LRRC69: variants seen among roughly 807,000 people sequenced by gnomAD.
The protein encoded by LRRC69 is leucine-rich repeat-containing protein 69.
LRRC69 carries 42 observed loss-of-function variants against 37.8 expected under a neutral mutation model. The observed-to-expected ratio is 1.11, with a 90% CI of 0.87 to 1.44. The LOEUF is 1.44. LRRC69 is among the 40% of genes most tolerant of loss of function. The pLI, the probability that LRRC69 is intolerant of heterozygous loss-of-function variation, is 0.00. For missense variants in LRRC69, 357 were observed against 401.9 expected (o/e 0.89, Z 0.96); for synonymous variants, 141 against 143.1 (o/e 0.99, Z 0.11).
At chr8:91,136,676 C>T (rs1223916195) in intron 5 of LRRC69, among the ~76,000 whole-genome samples, 1 of 151,962 alleles carries the variant, frequency 6.6e-6, no homozygotes, top group Non-Finnish European at 1.5e-5. Context: ...TCCCTTTGTA[C>T]ACCTATTTTA....
At chr8:91,179,164 T>G (rs936963109) in intron 5 of LRRC69, among the ~76,000 whole-genome samples, 3 of 152,216 alleles carry the variant, frequency 2.0e-5, no homozygotes, top group African/African-American at 7.2e-5. Context: ...AATAAATACC[T>G]GAACCTGGGT....
intron 1 of LRRC69, among the ~76,000 whole-genome samples, chr8:91,121,816 T>G (rs980871290): frequency 6.6e-6 from 1 of 152,100 alleles, no homozygotes; most frequent in East Asian, 1.9e-4. Context: ...TTAAGAGATA[T>G]GTATTCACTT....
At chr8:91,104,272 T>C (rs1488398762) in intron 1 of LRRC69, among the ~76,000 whole-genome samples, 1 of 151,986 alleles carries the variant, frequency 6.6e-6, no homozygotes, top group Non-Finnish European at 1.5e-5. Flanking sequence ...CACCTTCAGC[T>C]GTCCTTTCCT....
chr8:91,133,630 G>T (rs765545905), intron 4 of LRRC69, among the ~76,000 whole-genome samples: 1 of 151,996 alleles, frequency 6.6e-6, no homozygotes, highest in Non-Finnish European at 1.5e-5. Context: ...TTATTGTTTG[G>T]TATTTCTTTC....
chr8:91,113,045 G>T (rs1586224338), intron 1 of LRRC69, among the ~76,000 whole-genome samples: 1 of 151,816 alleles, frequency 6.6e-6, no homozygotes, highest in East Asian at 1.9e-4. Flanking sequence ...AAAATTATAA[G>T]ACATTAATAA....
chr8:91,119,955 T>C (rs1261583967), intron 1 of LRRC69, among the ~76,000 whole-genome samples: 1 of 152,022 alleles, frequency 6.6e-6, no homozygotes, highest in Non-Finnish European at 1.5e-5. Flanking sequence ...TGTCCCCATA[T>C]TTAAGGCATG....
At chr8:91,192,359 T>C (rs1163990685) in intron 6 of LRRC69, among the ~76,000 whole-genome samples, 1 of 152,016 alleles carries the variant, frequency 6.6e-6, no homozygotes, top group African/African-American at 2.4e-5. Flanking sequence ...GGGTACATAC[T>C]CAGTAATGGG....
At chr8:91,172,696 G>A (rs958869827) in intron 5 of LRRC69, among the ~76,000 whole-genome samples, 6 of 151,692 alleles carry the variant, frequency 4.0e-5, no homozygotes, top group Admixed American at 3.9e-4. Context: ...TGTATTTTTA[G>A]TAGAGACAGC....
At chr8:91,132,878 C>A (rs1813831620) in intron 3 of LRRC69, among the ~76,000 whole-genome samples, 1 of 151,832 alleles carries the variant, frequency 6.6e-6, no homozygotes, top group South Asian at 2.1e-4. Flanking sequence ...GTTTTGATTA[C>A]CTAACATACT....
chr8:91,132,328 G>T (rs771060103), intron 3 of LRRC69, among the ~76,000 whole-genome samples: 5 of 151,880 alleles, frequency 3.3e-5, no homozygotes, highest in Non-Finnish European at 5.9e-5. Context: ...CAACCTCAGA[G>T]TCATGTTGAT....
rs150587980 is a variant in LRRC69, at chr8:91,145,824, G to T, written c.651+10085G>T. On this transcript the variant is annotated intron_variant, in intron 5 of 7. Coordinates refer to ENST00000448384, the Ensembl canonical transcript of LRRC69. ...TATATGGGGGTGGGTGAAGAAGAGG[G>T]TGTTGAATTATATGTTATTGCTTCT... is the stretch of plus-strand genomic sequence containing the variant. Among the ~76,000 whole-genome samples, 7 of 151,780 alleles carry T rather than the reference G, an allele frequency of 4.6e-5. 1 individual carries two copies. Among genetic ancestry groups the T allele is most frequent in the Non-Finnish European group, 4.4e-5 (3 of 67,952 alleles).
chr8:91,125,581 A>G (rs1049466169), intron 2 of LRRC69, among the ~76,000 whole-genome samples: 1 of 151,880 alleles, frequency 6.6e-6, no homozygotes, highest in African/African-American at 2.4e-5. Flanking sequence ...GGAAGAAAAC[A>G]GTTTACACTA....
intron 5 of LRRC69, among the ~76,000 whole-genome samples, chr8:91,152,562 G>A (rs1808760271): frequency 1.3e-5 from 2 of 151,608 alleles, no homozygotes; most frequent in African/African-American, 2.4e-5. Flanking sequence ...CAGGTAGCAT[G>A]ATGCCTACAG....
chr8:91,172,758 C>T (rs1809155488), intron 5 of LRRC69, among the ~76,000 whole-genome samples: 1 of 152,000 alleles, frequency 6.6e-6, no homozygotes, highest in Non-Finnish European at 1.5e-5. Flanking sequence ...CGTGATCAGC[C>T]CGCCTCAGCC....
rs774406685 is a variant in LRRC69, at chr8:91,127,145, C to G, written c.368C>G (p.Pro123Arg). The change falls in exon 3 of 8, where the codon CCT becomes CGT. Residue 123 changes from proline (P) to arginine (R), a missense_variant. Physicochemically the swap from Pro to Arg is moderately radical, Grantham distance 103. Coordinates refer to ENST00000448384, the Ensembl canonical transcript of LRRC69. ...AACAACAATCATCTTACGCAGCTTC[C>G]TCAAGAAGTCAGCAGGTAATTTTGT... is the stretch of plus-strand genomic sequence containing the variant. 7.5e-5 allele frequency: 116 copies of G among 1,548,644 alleles called. No homozygotes were observed. Among genetic ancestry groups the G allele is most frequent in the Non-Finnish European group, 9.8e-5 (112 of 1,146,192 alleles).
At chr8:91,178,418 C>G (rs536717195) in intron 5 of LRRC69, among the ~76,000 whole-genome samples, 4 of 152,070 alleles carry the variant, frequency 2.6e-5, no homozygotes, top group Admixed American at 1.3e-4. Flanking sequence ...TGACTTTCTT[C>G]CTAATAGAAG....
intron 5 of LRRC69, among the ~76,000 whole-genome samples, chr8:91,154,126 C>G (rs201109277): frequency 9.3e-5 from 14 of 151,344 alleles, no homozygotes; most frequent in Admixed American, 4.0e-4. Context: ...AGAAATGGAT[C>G]AATTCCTGGA....
At chr8:91,145,998 A>G (rs1303399616) in intron 5 of LRRC69, among the ~76,000 whole-genome samples, 1 of 151,872 alleles carries the variant, frequency 6.6e-6, no homozygotes, top group African/African-American at 2.4e-5. Flanking sequence ...GTTAGGGAAT[A>G]CAACTATCTT....
chr8:91,197,347 C>T (rs1809624041), intron 6 of LRRC69, among the ~76,000 whole-genome samples: 2 of 152,334 alleles, frequency 1.3e-5, no homozygotes, highest in South Asian at 4.1e-4. Flanking sequence ...AGGCAGGCCT[C>T]CTGGAGCTGT....
Sources: gnomAD v4.1 joint callset for allele counts (sites outside exome capture counted in the v4.1 genomes callset) on GRCh38, gnomAD v4.1.1 for gene constraint, MANE v1.5 for transcripts, NCBI Gene and HGNC (gene_info 2026-07-23, HGNC 2026-07-21) for gene names.